Variants in IDE observed in about 807,000 individuals in gnomAD.
IDE encodes insulin degrading enzyme, also known as insulin-degrading enzyme.
A neutral mutation model predicts 133.2 loss-of-function variants in IDE; 58 were observed. The ratio of observed to expected loss-of-function variants is 0.44; its 90% CI spans 0.35 to 0.54. The LOEUF (loss-of-function observed/expected upper bound fraction) is 0.54. Among genes scored for constraint, IDE ranks in the 20% least tolerant of loss-of-function variants. The pLI is 0.00. For missense variants in IDE, 981 were observed against 1,234.0 expected, an observed-to-expected ratio of 0.79 and a Z score of 3.07; for synonymous variants, 396 against 421.3, an observed-to-expected ratio of 0.94 and a Z score of 0.73.
chr10:92,476,974 G>A (rs1052841025), intron 15 of IDE, among the ~76,000 whole-genome samples: 2 of 152,180 alleles, frequency 1.3e-5, no homozygotes, highest in Admixed American at 6.5e-5. Context: ...GACCTCAGGT[G>A]ATCCACCTGC....
intron 16 of IDE, among the ~76,000 whole-genome samples, chr10:92,475,364 A>G (rs1729371813): frequency 6.6e-6 from 1 of 152,196 alleles, no homozygotes; most frequent in Non-Finnish European, 1.5e-5. Flanking sequence ...TTATTTGAAA[A>G]CTGATGGTAG....
At chr10:92,573,540 C>T (rs1418826666) in intron 1 of IDE, among the ~76,000 whole-genome samples, 3 of 152,256 alleles carry the variant, frequency 2.0e-5, no homozygotes, top group African/African-American at 7.2e-5. Flanking sequence ...TCGAGTCCGC[C>T]TCAGGTTCCC....
rs1227398463 is a variant in IDE, at chr10:92,479,333, C to G, written c.1828G>C (p.Ala610Pro). The G allele has an allele frequency of 6.2e-7, 1 of 1,613,724 alleles. No homozygotes were observed. Among genetic ancestry groups the G allele is most frequent in the South Asian group, 1.1e-5 (1 of 91,076 alleles). ...TAGCTCAAGCCTGCTAGCTCTGCTG[C>G]ATATGCATACTCGTTGAGTGAGTCT... ...LKDSLNEYAYAAELAGLSYDL... is the reference protein window; with the variant it reads ...LKDSLNEYAYPAELAGLSYDL... Residue 610 changes from alanine to proline, a missense_variant, in exon 15 of 25, where the codon GCA becomes CCA. Ala to Pro is a conservative substitution (Grantham distance 27). Around this residue, in one of 2 missense-constraint regions of IDE, gnomAD observed 660 missense variants for 894.7 expected, o/e 0.74. Transcript: ENST00000265986.
chr10:92,498,861 G>A (rs994142187), intron 11 of IDE, among the ~76,000 whole-genome samples: 18 of 152,190 alleles, frequency 1.2e-4, no homozygotes, highest in South Asian at 4.2e-4. Flanking sequence ...AAAACAGATT[G>A]TCTAACAAGT....
intron 23 of IDE, 110 bp from the exon 24 acceptor site, chr10:92,455,753 C>T (rs1339781384): frequency 9.2e-6 from 6 of 648,650 alleles, no homozygotes; most frequent in South Asian, 2.0e-5. Context: ...GCACCAGCCC[C>T]GTTCATGTAC....
intron 18 of IDE, 81 bp downstream of exon 18, chr10:92,470,173 G>C (rs1352607883): frequency 2.1e-6 from 2 of 934,434 alleles, no homozygotes; most frequent in African/African-American, 1.7e-5. Context: ...CACCATGCTG[G>C]TTAACAATCT....
chr10:92,539,914 T>G (rs1842213488), intron 1 of IDE, among the ~76,000 whole-genome samples: 1 of 151,982 alleles, frequency 6.6e-6, no homozygotes, highest in Non-Finnish European at 1.5e-5. Flanking sequence ...AATGGTCTAT[T>G]TTAGACTCTA....
Position 92,493,870 on chromosome 10 carries a change from G to T in IDE, c.1431-3275C>A, listed in dbSNP as rs1479854456. 7.9e-5 allele frequency among the ~76,000 whole-genome samples: 12 copies of T among 152,142 alleles called. No homozygotes were observed. The South Asian group carries it at 2.3e-3, about 29-fold the overall frequency. ...AAATAAAGACAGGGAAGAAAGTAAC[G>T]GTACAGACAGAGTATACACACATCA... On this transcript the variant is annotated intron_variant, in intron 11 of 24. Coordinates refer to ENST00000265986, the MANE Select transcript of IDE (RefSeq NM_004969.4).
chr10:92,560,338 A>T (rs771912748), intron 1 of IDE, among the ~76,000 whole-genome samples: 13 of 152,226 alleles, frequency 8.5e-5, no homozygotes, highest in Admixed American at 4.6e-4. Flanking sequence ...CTGACTGACC[A>T]GAAATCCTAA....
At chr10:92,568,757 A>G (rs895145321) in intron 1 of IDE, among the ~76,000 whole-genome samples, 6 of 152,084 alleles carry the variant, frequency 3.9e-5, no homozygotes, top group Non-Finnish European at 5.9e-5. Context: ...TGGAGGTTGC[A>G]GTGAGCCGAG....
At chr10:92,461,921 G>A (rs1003944811) in intron 21 of IDE, among the ~76,000 whole-genome samples, 2 of 151,878 alleles carry the variant, frequency 1.3e-5, no homozygotes, top group Admixed American at 6.6e-5. Context: ...TGATCCGCCC[G>A]CCTCGCACTC....
chr10:92,493,696 A>G (rs1365255752), intron 11 of IDE, among the ~76,000 whole-genome samples: 1 of 152,202 alleles, frequency 6.6e-6, no homozygotes, highest in African/African-American at 2.4e-5. Flanking sequence ...AAATGTTATT[A>G]TAAGGAAACA....
intron 10 of IDE, 51 bp from the exon 11 acceptor site, chr10:92,504,948 G>T: frequency 2.5e-6 from 2 of 814,138 alleles, no homozygotes; most frequent in Non-Finnish European, 2.0e-6. Flanking sequence ...CTACTACATA[G>T]TTTATTAAAG....
intron 4 of IDE, among the ~76,000 whole-genome samples, chr10:92,516,436 T>C (rs531403608): frequency 5.3e-5 from 8 of 152,162 alleles, no homozygotes; most frequent in South Asian, 2.1e-4. Context: ...AGAGGTTGCA[T>C]TGAGCCAAGA....
intron 1 of IDE, among the ~76,000 whole-genome samples, chr10:92,561,157 G>A (rs111330632): frequency 0.1 from 15,322 of 152,042 alleles, 894 homozygotes; most frequent in South Asian, 0.17. Flanking sequence ...TCAGGAGGCT[G>A]AGGCAGGAGA....
intron 1 of IDE, 76 bp downstream of exon 1, chr10:92,573,846 T>TCAC: frequency 9.6e-7 from 1 of 1,038,902 alleles, no homozygotes; most frequent in Non-Finnish European, 1.3e-6. Context: ...AAGTGCTGAA[T>TCAC]CACCACTTTG....
At position 92,519,589 on chromosome 10, in the gene IDE, C is replaced by T. The variant is rs1849108501; in HGVS notation, c.662-4547G>A. On this transcript the variant is annotated intron_variant, in intron 4 of 24. Coordinates refer to ENST00000265986, the MANE Select transcript of IDE (RefSeq NM_004969.4). ...TAATTAAGCAACCTTGGAAAAGTCT[C>T]CAAATATCTCCAAGGGGTCATTTAT... Among the ~76,000 whole-genome samples, 4 of 152,126 alleles carry T rather than the reference C, an allele frequency of 2.6e-5. No individual in the cohort carries two copies. The South Asian group carries it at 8.3e-4, about 31-fold the overall frequency.
In IDE at chr10:92,531,895, G is replaced by A; in HGVS notation, c.514C>T (p.Pro172Ser). The change falls in exon 4 of 25, where the codon CCC becomes TCC. Residue 172 changes from proline (P) to serine (S), a missense_variant. Coordinates refer to ENST00000265986, the MANE Select transcript of IDE (RefSeq NM_004969.4). The part of the protein sequence containing the change: ...LDRFAQFFLC[P>S]LFDESCKDRE... Reference sequence around the variant, plus strand: ...TCTTTGCAACTTTCATCGAACAAGGGGCACAGAAAAAACTGTGCAAACCTA... The same window carrying A: ...TCTTTGCAACTTTCATCGAACAAGGAGCACAGAAAAAACTGTGCAAACCTA... The A allele has an allele frequency of 1.9e-6, 3 of 1,550,618 alleles. No homozygotes were observed. The highest frequency in any genetic ancestry group is 2.6e-6 in the Non-Finnish European group (3 of 1,142,886).
chr10:92,504,891 G>A lies in IDE; in HGVS notation c.1333C>T (p.Pro445Ser), dbSNP rs1285619352. 2.0e-6 allele frequency: 3 copies of A among 1,475,272 alleles called. No homozygotes were observed. The highest frequency in any genetic ancestry group is 2.5e-5 in the South Asian group (2 of 80,238). 91.4% of individuals were successfully genotyped at this position (1,475,272 alleles called of 1,614,324 possible). A position where few individuals can be genotyped will look rare whatever the true frequency, so the allele number is the denominator to read the frequency against. ...SKIAGILHYY[P>S]LEEVLTAEYL... ...TCCGCTGTGAGCACCTCTTCTAGGG[G>A]ATAATACTTTTAAAAAGGAAAATAT... Residue 445 changes from proline (P) to serine (S), a missense_variant, in exon 11 of 25, where the codon CCC becomes TCC. By Grantham distance (74) the Pro-to-Ser change is moderately conservative. Around this residue, in one of 2 missense-constraint regions of IDE, gnomAD observed 660 missense variants for 894.7 expected, o/e 0.74. Transcript: ENST00000265986.
Sources: gnomAD v4.1 joint callset for allele counts (sites outside exome capture counted in the v4.1 genomes callset) on GRCh38, gnomAD v4.1.1 for gene constraint, gnomAD v4.1.1 regional missense constraint, MANE v1.5 for transcripts, NCBI Gene and HGNC (gene_info 2026-07-23, HGNC 2026-07-21) for gene names.